KIF6: variants seen among roughly 807,000 people sequenced by gnomAD.
KIF6 encodes the protein kinesin-like protein KIF6.
In KIF6, 106 loss-of-function variants were observed where a neutral mutation model predicts 112.7. That is an observed-to-expected ratio of 0.94 (90% CI 0.80 to 1.11). The LOEUF is 1.11. Among genes scored for constraint, KIF6 ranks in the 50% least tolerant of loss-of-function variants. KIF6 has a pLI of 0.00. For synonymous variants in KIF6, 339 were observed against 339.9 expected (o/e 1.00, Z 0.03); for missense variants, 929 against 964.0 (o/e 0.96, Z 0.48).
intron 22 of KIF6, among the ~76,000 whole-genome samples, chr6:39,337,175 CTTTCTTTCTTTCTTTCTTT>C (rs1763023027): frequency 3.5e-5 from 2 of 57,670 alleles, no homozygotes; most frequent in Non-Finnish European, 5.8e-5. Flanking sequence ...TTCCTTCCTT[CTTTCTTTCTTTCTTTCTTT>C]CTTTCTTTCT....
At chr6:39,648,309 T>C (rs1785287822) in intron 3 of KIF6, among the ~76,000 whole-genome samples, 1 of 151,844 alleles carries the variant, frequency 6.6e-6, no homozygotes, top group Non-Finnish European at 1.5e-5. Flanking sequence ...CCCAAAGTGT[T>C]GGGATTATAG....
intron 1 of KIF6, among the ~76,000 whole-genome samples, chr6:39,722,350 C>T (rs554261819): frequency 2.0e-5 from 3 of 152,272 alleles, no homozygotes; most frequent in African/African-American, 7.2e-5. Flanking sequence ...TCCCTTAGAA[C>T]CAGATCACTT....
intron 3 of KIF6, among the ~76,000 whole-genome samples, chr6:39,652,874 C>G (rs1357470901): frequency 6.6e-6 from 1 of 151,928 alleles, no homozygotes; most frequent in Non-Finnish European, 1.5e-5. Flanking sequence ...ACAAACCTAC[C>G]ATCTTTTTAT....
chr6:39,380,536 C>T (rs766495019), intron 16 of KIF6, among the ~76,000 whole-genome samples: 2 of 152,050 alleles, frequency 1.3e-5, no homozygotes, highest in African/African-American at 2.4e-5. Flanking sequence ...CACAGTCACG[C>T]GTGTGTGCAC....
At chr6:39,396,992 C>T (rs1425325008) in intron 15 of KIF6, among the ~76,000 whole-genome samples, 1 of 152,086 alleles carries the variant, frequency 6.6e-6, no homozygotes, top group Non-Finnish European at 1.5e-5. Context: ...TTATCGTGGG[C>T]CCAGCAGACT....
At chr6:39,502,373 C>T (rs536626693) in intron 13 of KIF6, among the ~76,000 whole-genome samples, 1 of 151,824 alleles carries the variant, frequency 6.6e-6, no homozygotes, top group African/African-American at 2.4e-5. Flanking sequence ...TTACCAGCCA[C>T]TAAAAAAAAC....
intron 4 of KIF6, among the ~76,000 whole-genome samples, chr6:39,636,495 G>A (rs552114003): frequency 6.6e-6 from 1 of 152,040 alleles, no homozygotes; most frequent in East Asian, 1.9e-4. Context: ...GTTTAGTAAA[G>A]GTACTATTTC....
In KIF6 at chr6:39,545,640, A is replaced by G. The variant is rs1779033699; in HGVS notation, c.1230T>C (p.Ser410=). The G allele has an allele frequency of 1.9e-6, 3 of 1,613,816 alleles. No individual in the cohort carries two copies. The highest frequency in any genetic ancestry group is 2.2e-5 in the East Asian group (1 of 44,852). The change falls in exon 11 of 23, where the codon AGT becomes AGC. Residue 410 remains serine (S), a synonymous_variant. Transcript: ENST00000287152. ...GCATATCCGCGCCAACCTCTAATCTACTGTCTGAATCCTGGTCTTCCAAAA... is the reference window on the plus strand; with the variant it reads ...GCATATCCGCGCCAACCTCTAATCTGCTGTCTGAATCCTGGTCTTCCAAAA... The part of the protein sequence containing the change: ...TSFLEDQDSD[S]RLEVGADMRK...
At chr6:39,443,031 G>A (rs566122407) in intron 13 of KIF6, among the ~76,000 whole-genome samples, 23 of 151,358 alleles carry the variant, frequency 1.5e-4, no homozygotes, top group African/African-American at 4.4e-4. Context: ...GAAGAATGGC[G>A]TGAACCCGGG....
intron 7 of KIF6, among the ~76,000 whole-genome samples, chr6:39,586,936 C>T (rs1781668338): frequency 6.6e-6 from 1 of 152,114 alleles, no homozygotes; most frequent in Admixed American, 6.5e-5. Flanking sequence ...TAGTATCTAC[C>T]TCACAGGTAG....
chr6:39,599,244 G>A (rs77977111), intron 6 of KIF6, among the ~76,000 whole-genome samples: 1,729 of 152,274 alleles, frequency 0.011, 32 homozygotes, highest in African/African-American at 0.039. Flanking sequence ...TATTCCAAAT[G>A]AGTATTCATA....
chr6:39,416,022 T>C (rs1396646230), intron 15 of KIF6, among the ~76,000 whole-genome samples: 2 of 152,232 alleles, frequency 1.3e-5, no homozygotes, highest in Non-Finnish European at 2.9e-5. Flanking sequence ...GAAAACCCAC[T>C]GTGCAGCCTC....
chr6:39,555,419 G>C (rs192948060), intron 10 of KIF6, among the ~76,000 whole-genome samples: 171 of 152,140 alleles, frequency 1.1e-3, no homozygotes, highest in African/African-American at 4.1e-3. Context: ...TGGCCTTACG[G>C]CTCCTCCTGG....
At chr6:39,657,878 C>G (rs2446647) in intron 3 of KIF6, among the ~76,000 whole-genome samples, 81,972 of 151,918 alleles carry the variant, frequency 0.54, 25,329 homozygotes, top group African/African-American at 0.85. Context: ...AGCTATACCA[C>G]CTTTGTCAAA....
At position 39,378,643 on chromosome 6, in the gene KIF6, C is replaced by T. The variant is rs1018090071; in HGVS notation, c.1861+6979G>A. ...CCAGGGCCACTCCTTCTGGTAAGAA[C>T]GGGAAGTTCTCATGGCCTGTCCCTC... On this transcript the variant is annotated intron_variant, in intron 16 of 22. Transcript: ENST00000287152. This position sits in a 1 kb window ranked among gnomAD's most constrained non-coding sequence, Gnocchi z 5.0. Among the ~76,000 whole-genome samples, 2 of 152,184 alleles carry T rather than the reference C, an allele frequency of 1.3e-5. No homozygotes were observed. Among genetic ancestry groups the T allele is most frequent in the African/African-American group, 2.4e-5 (1 of 41,446 alleles).
At chr6:39,372,626 T>A (rs1399102753) in intron 16 of KIF6, among the ~76,000 whole-genome samples, 1 of 152,200 alleles carries the variant, frequency 6.6e-6, no homozygotes, top group African/African-American at 2.4e-5. Flanking sequence ...ATGAGATAAA[T>A]AACACCCATG....
intron 3 of KIF6, among the ~76,000 whole-genome samples, chr6:39,661,344 T>C (rs1480541827): frequency 2.6e-5 from 4 of 152,236 alleles, no homozygotes; most frequent in African/African-American, 9.6e-5. Flanking sequence ...AAATAGTATA[T>C]GTTCTTTGTC....
Position 39,378,862 on chromosome 6 carries a change from T to C in KIF6, c.1861+6760A>G, listed in dbSNP as rs1766676268. On this transcript the variant is annotated intron_variant, in intron 16 of 22. Transcript: ENST00000287152. The surrounding 1 kb of genome is among the most constrained non-coding windows in gnomAD (Gnocchi z 5.0). ...TGGATTCTTCCAGTTTTAGTCCTGC[T>C]CTGTGTGGCCATCAGAAAGCTGAGT... Among the ~76,000 whole-genome samples, 1 of 152,214 alleles carries C rather than the reference T, an allele frequency of 6.6e-6. No individual in the cohort carries two copies.
chr6:39,647,705 G>A (rs1785236307), intron 3 of KIF6, among the ~76,000 whole-genome samples: 1 of 144,380 alleles, frequency 6.9e-6, no homozygotes, highest in African/African-American at 2.7e-5. Flanking sequence ...TGAAGGCCCT[G>A]ATTTTTTTTT....
Sources: gnomAD v4.1 joint callset for allele counts (sites outside exome capture counted in the v4.1 genomes callset) on GRCh38, gnomAD v4.1.1 for gene constraint, Gnocchi (gnomAD v3.1) non-coding constraint, MANE v1.5 for transcripts, NCBI Gene and HGNC (gene_info 2026-07-23, HGNC 2026-07-21) for gene names.